Variants in ENOX1 observed in about 807,000 individuals in gnomAD.
The protein encoded by ENOX1 is ecto-NOX disulfide-thiol exchanger 1, also known as candidate growth-related and time keeping constitutive hydroquinone (NADH) oxidase.
In ENOX1, 42 loss-of-function variants were observed where a neutral mutation model predicts 82.5. That is an observed-to-expected ratio of 0.51 (90% confidence interval 0.40 to 0.66). ENOX1 has a LOEUF of 0.66. Among genes scored for constraint, ENOX1 ranks in the 30% least tolerant of loss-of-function variants. ENOX1 has a pLI of 0.00. For synonymous variants in ENOX1, 271 were observed against 282.2 expected (o/e 0.96, Z 0.40); for missense variants, 608 against 811.6 (o/e 0.75, Z 3.05).
chr13:43,251,239 C>T (rs2043437952), intron 14 of ENOX1, among the ~76,000 whole-genome samples: 2 of 152,150 alleles, frequency 1.3e-5, no homozygotes, highest in African/African-American at 2.4e-5. Flanking sequence ...TGTCAGTCCA[C>T]GAGACTTTTA....
intron 1 of ENOX1, among the ~76,000 whole-genome samples, chr13:43,781,265 G>A (rs1952240243): frequency 6.6e-6 from 1 of 152,162 alleles, no homozygotes; most frequent in African/African-American, 2.4e-5. Flanking sequence ...TACACAAAGA[G>A]GGAGAGATGA....
At chr13:43,576,352 A>C (rs1437279039) in intron 2 of ENOX1, among the ~76,000 whole-genome samples, 1 of 152,254 alleles carries the variant, frequency 6.6e-6, no homozygotes, top group Non-Finnish European at 1.5e-5. Context: ...ACAGCTGACG[A>C]GGAAATTAGA....
chr13:43,640,701 C>A (rs1206454716), intron 2 of ENOX1, among the ~76,000 whole-genome samples: 1 of 152,330 alleles, frequency 6.6e-6, no homozygotes, highest in Middle Eastern at 3.4e-3. Flanking sequence ...ACCTACCCAG[C>A]ATCACCTGTC....
intron 2 of ENOX1, among the ~76,000 whole-genome samples, chr13:43,486,872 T>C (rs948428229): frequency 2.0e-5 from 3 of 152,220 alleles, no homozygotes; most frequent in African/African-American, 7.2e-5. Flanking sequence ...TAAGAACTCA[T>C]CAAAAGTTAG....
chr13:43,528,120 T>C (rs2153686454), intron 2 of ENOX1, among the ~76,000 whole-genome samples: 1 of 152,276 alleles, frequency 6.6e-6, no homozygotes, highest in South Asian at 2.1e-4. Context: ...TATGAGTGTG[T>C]TTCCTTTAAA....
At chr13:43,763,320 C>A (rs779460233) in intron 1 of ENOX1, among the ~76,000 whole-genome samples, 17 of 152,128 alleles carry the variant, frequency 1.1e-4, no homozygotes, top group Non-Finnish European at 2.4e-4. Context: ...TCATAGATGG[C>A]TGTGTTCGTA....
chr13:43,385,865 T>C (rs947314863), intron 5 of ENOX1, among the ~76,000 whole-genome samples: 2 of 152,194 alleles, frequency 1.3e-5, no homozygotes, highest in African/African-American at 4.8e-5. Context: ...TAAAATTACA[T>C]TATTAAAACT....
intron 16 of ENOX1, among the ~76,000 whole-genome samples, chr13:43,222,621 G>A (rs1379439918): frequency 6.6e-6 from 1 of 152,164 alleles, no homozygotes; most frequent in Non-Finnish European, 1.5e-5. Context: ...GGGAAGGATG[G>A]TAGCAACAAT....
intron 3 of ENOX1, among the ~76,000 whole-genome samples, chr13:43,435,072 C>A (rs879380400): frequency 1.3e-5 from 2 of 150,336 alleles, no homozygotes; most frequent in Non-Finnish European, 2.9e-5. Flanking sequence ...ACGCAGAAGA[C>A]GGACTTGACA....
intron 3 of ENOX1, among the ~76,000 whole-genome samples, chr13:43,451,433 G>A (rs2056960498): frequency 6.6e-6 from 1 of 152,120 alleles, no homozygotes; most frequent in African/African-American, 2.4e-5. Flanking sequence ...AAGTCTGTTG[G>A]TAAAGGCTTC....
intron 2 of ENOX1, among the ~76,000 whole-genome samples, chr13:43,519,984 T>A (rs983642717): frequency 1.3e-5 from 2 of 152,272 alleles, no homozygotes; most frequent in South Asian, 4.1e-4. Context: ...CCTTGCTTTT[T>A]AAGTATTTAC....
intron 2 of ENOX1, among the ~76,000 whole-genome samples, chr13:43,666,864 C>A (rs539240057): frequency 1.3e-5 from 2 of 152,056 alleles, no homozygotes; most frequent in Non-Finnish European, 1.5e-5. Flanking sequence ...CTGTCATCCA[C>A]GTCAGTTCTA....
At chr13:43,326,295 G>A in intron 10 of ENOX1, 124 bp downstream of exon 10, 1 of 771,800 alleles carries the variant, frequency 1.3e-6, no homozygotes, top group Non-Finnish European at 2.2e-6. Flanking sequence ...GGAGCTGACA[G>A]TGAGATCAGA....
At chr13:43,555,681 A>G (rs996459769) in intron 2 of ENOX1, among the ~76,000 whole-genome samples, 2 of 152,234 alleles carry the variant, frequency 1.3e-5, no homozygotes, top group Non-Finnish European at 2.9e-5. Context: ...ATTGGAAAAT[A>G]AAATTCCATT....
intron 1 of ENOX1, among the ~76,000 whole-genome samples, chr13:43,705,787 A>T (rs1054563856): frequency 6.6e-6 from 1 of 152,174 alleles, no homozygotes; most frequent in South Asian, 2.1e-4. Context: ...TGAATGCAGA[A>T]GATTTGAACA....
At chr13:43,537,947 G>A (rs2078536605) in intron 2 of ENOX1, among the ~76,000 whole-genome samples, 1 of 152,194 alleles carries the variant, frequency 6.6e-6, no homozygotes, top group Non-Finnish European at 1.5e-5. Context: ...CATCCTACAG[G>A]GTACTTAGCC....
At chr13:43,234,478 T>A (rs563375527) in intron 15 of ENOX1, among the ~76,000 whole-genome samples, 2 of 152,346 alleles carry the variant, frequency 1.3e-5, no homozygotes, top group South Asian at 4.2e-4. Context: ...AATGTTCTCA[T>A]ATATTGATTC....
intron 5 of ENOX1, among the ~76,000 whole-genome samples, chr13:43,411,362 C>G (rs951086694): frequency 1.3e-5 from 2 of 152,114 alleles, no homozygotes; most frequent in African/African-American, 2.4e-5. Context: ...TGTGGTATTT[C>G]TAAACATTTT....
intron 5 of ENOX1, among the ~76,000 whole-genome samples, chr13:43,393,215 G>A (rs778606894): frequency 6.6e-6 from 1 of 152,196 alleles, no homozygotes; most frequent in Non-Finnish European, 1.5e-5. Flanking sequence ...AAGTACAAGT[G>A]ATTCCAAGAA....
Sources: gnomAD v4.1 joint callset for allele counts (sites outside exome capture counted in the v4.1 genomes callset) on GRCh38, gnomAD v4.1.1 for gene constraint, MANE v1.5 for transcripts, NCBI Gene and HGNC (gene_info 2026-07-23, HGNC 2026-07-21) for gene names.